Variants in GNB4 observed in about 807,000 individuals in gnomAD.
The protein encoded by GNB4 is G protein subunit beta 4.
A neutral mutation model predicts 45.2 loss-of-function variants in GNB4; 28 were observed. The observed-to-expected ratio is 0.62, with a 90% CI of 0.46 to 0.85. The LOEUF is 0.85. Among genes scored for constraint, GNB4 ranks in the 40% least tolerant of loss-of-function variants. The probability of loss-of-function intolerance (pLI) is 0.00; values close to 1 mark genes in which losing one functional copy is unlikely to be tolerated. For synonymous variants in GNB4, 132 were observed against 143.7 expected (o/e 0.92, Z 0.58); for missense variants, 321 against 425.4 (o/e 0.75, Z 2.16).
chr3:179,442,496 T>C (rs1418268487), intron 1 of GNB4, among the ~76,000 whole-genome samples: 3 of 152,342 alleles, frequency 2.0e-5, no homozygotes, highest in East Asian at 1.9e-4. Context: ...ATTATGATTA[T>C]GTAAATTTAA....
At chr3:179,448,473 G>A (rs1039562568) in intron 1 of GNB4, among the ~76,000 whole-genome samples, 2 of 149,432 alleles carry the variant, frequency 1.3e-5, no homozygotes, top group African/African-American at 4.9e-5. Context: ...AAACTTACTT[G>A]GTTTTTTTTT....
chr3:179,505,575 A>G, the GNB4 span, among the ~76,000 whole-genome samples: 1 of 152,388 alleles, frequency 6.6e-6, no homozygotes, highest in Non-Finnish European at 1.5e-5. Flanking sequence ...ACAGGAATTT[A>G]GAGCTGAGGT....
At chr3:179,472,376 T>G in the GNB4 span, among the ~76,000 whole-genome samples, 3 of 150,344 alleles carry the variant, frequency 2.0e-5, no homozygotes, top group Admixed American at 6.6e-5. Context: ...CTTTCTTTTT[T>G]TTTTTTTTTT....
chr3:179,491,180 A>T, the GNB4 span, among the ~76,000 whole-genome samples: 1 of 152,260 alleles, frequency 6.6e-6, no homozygotes. Flanking sequence ...GACATTTTAC[A>T]AAGATGAATA....
At chr3:179,525,214 T>G in the GNB4 span, among the ~76,000 whole-genome samples, 1 of 152,162 alleles carries the variant, frequency 6.6e-6, no homozygotes, top group African/African-American at 2.4e-5. Flanking sequence ...ACAAAATTCA[T>G]CCAGGTCTTG....
intron 4 of GNB4, among the ~76,000 whole-genome samples, chr3:179,416,915 A>G (rs1714816173): frequency 6.6e-6 from 1 of 152,190 alleles, no homozygotes; most frequent in Non-Finnish European, 1.5e-5. Flanking sequence ...TAACAACCAT[A>G]TTTCATCCAA....
Position 179,396,396 on chromosome 3 carries a change from C to G in GNB4, c.*4817G>C, listed in dbSNP as rs1340815393. 1 of 152,148 alleles carries G rather than the reference C, an allele frequency of 6.6e-6. No homozygotes were observed. The highest frequency in any genetic ancestry group is 1.5e-5 in the Non-Finnish European group (1 of 68,020). The allele number at this position is 152,148 out of a possible 1,614,324, so 9.4% of individuals were successfully genotyped here. The stretch of plus-strand genomic sequence containing the variant: ...AATTTTAATCAACTTTAAAAACACA[C>G]TTAGATGTGGATGCCTTTGGATAGG... On this transcript the variant is annotated 3_prime_UTR_variant, in exon 10 of 10. Coordinates refer to ENST00000232564, the MANE Select transcript of GNB4 (RefSeq NM_021629.4).
chr3:179,454,931 C>T (rs968045287), upstream of GNB4, among the ~76,000 whole-genome samples: 2 of 152,192 alleles, frequency 1.3e-5, no homozygotes, highest in African/African-American at 4.8e-5. Flanking sequence ...CTAGTAGATT[C>T]TGTAAGAAGT....
At chr3:179,484,481 A>T in the GNB4 span, among the ~76,000 whole-genome samples, 1,353 of 152,346 alleles carry the variant, frequency 8.9e-3, 31 homozygotes, top group African/African-American at 0.031. Flanking sequence ...CAGTGAAAAA[A>T]TTGAATTGCC....
intron 2 of GNB4, among the ~76,000 whole-genome samples, chr3:179,424,815 C>T (rs1222871278): frequency 6.6e-6 from 1 of 152,036 alleles, no homozygotes; most frequent in African/African-American, 2.4e-5. Flanking sequence ...CCCTATGTTG[C>T]CCAGGCTGGT....
chr3:179,495,347 T>C, the GNB4 span, among the ~76,000 whole-genome samples: 1 of 151,570 alleles, frequency 6.6e-6, no homozygotes, highest in South Asian at 2.1e-4. Context: ...TATGGTGGCA[T>C]GTACATGTGG....
Position 179,445,157 on chromosome 3 carries a change from A to G in GNB4, c.-43+6189T>C, listed in dbSNP as rs183155140. Among the ~76,000 whole-genome samples the G allele has an allele frequency of 1.2e-4, 19 of 152,316 alleles. No individual in the cohort carries two copies. In the East Asian group the frequency reaches 3.1e-3, roughly 25 times the overall value. On this transcript the variant is annotated intron_variant, in intron 1 of 9. Coordinates refer to ENST00000232564, the MANE Select transcript of GNB4 (RefSeq NM_021629.4). ...TCTCTCTTTCTTCAGCTATAGAGAAATTGATAGAATCTGTTCCATAGAGAA... is the reference window on the plus strand; with the variant it reads ...TCTCTCTTTCTTCAGCTATAGAGAAGTTGATAGAATCTGTTCCATAGAGAA...
intron 1 of GNB4, among the ~76,000 whole-genome samples, chr3:179,430,356 C>G (rs1346562125): frequency 2.0e-5 from 3 of 152,046 alleles, no homozygotes; most frequent in African/African-American, 7.2e-5. Context: ...TTTCAAAGTG[C>G]TGGGATTATA....
At chr3:179,464,394 C>T in the GNB4 span, 1 of 1,203,622 alleles carries the variant, frequency 8.3e-7, no homozygotes, top group Non-Finnish European at 1.2e-6. Context: ...GCTGCTGCAG[C>T]CCGTGCACAG....
At chr3:179,510,878 T>C in the GNB4 span, among the ~76,000 whole-genome samples, 3 of 152,200 alleles carry the variant, frequency 2.0e-5, no homozygotes, top group Non-Finnish European at 2.9e-5. Context: ...AACTCTGACA[T>C]AGACACATCC....
upstream of GNB4, among the ~76,000 whole-genome samples, chr3:179,454,301 A>G (rs1043542444): frequency 6.6e-6 from 1 of 152,216 alleles, no homozygotes; most frequent in Non-Finnish European, 1.5e-5. Context: ...TGTGTCTGCC[A>G]TAGTGTTTAA....
the GNB4 span, among the ~76,000 whole-genome samples, chr3:179,465,796 T>C: frequency 1.0e-3 from 56 of 54,328 alleles, no homozygotes; most frequent in Admixed American, 4.6e-3. Flanking sequence ...AGATAATTTT[T>C]TTCTTCTTCT....
chr3:179,447,911 T>C (rs1007825846), intron 1 of GNB4, among the ~76,000 whole-genome samples: 1 of 152,120 alleles, frequency 6.6e-6, no homozygotes, highest in Non-Finnish European at 1.5e-5. Flanking sequence ...CTGTAGCCAA[T>C]GAGGCAGGAT....
upstream of GNB4, among the ~76,000 whole-genome samples, chr3:179,455,817 C>G (rs1187984496): frequency 4.6e-5 from 7 of 152,174 alleles, no homozygotes; most frequent in Non-Finnish European, 1.0e-4. Flanking sequence ...GATAGTTTGA[C>G]TCTTATTAAG....
Sources: allele counts gnomAD v4.1 joint callset (sites outside exome capture counted in the v4.1 genomes callset), GRCh38; gene constraint gnomAD v4.1.1; transcripts MANE v1.5; gene names NCBI Gene and HGNC (gene_info 2026-07-23, HGNC 2026-07-21).